SLC75A1: variants seen among roughly 807,000 people sequenced by gnomAD.
The protein encoded by SLC75A1 is major facilitator superfamily domain containing 10.
the SLC75A1 span, chr4:2,930,888 A>AGAAG: frequency 6.8e-6 from 11 of 1,613,064 alleles, no homozygotes; most frequent in Non-Finnish European, 9.3e-6. Context: ...TGCAGGAGGA[A>AGAAG]GAAGGGGAGC....
At chr4:2,930,846 C>T in the SLC75A1 span, 1 of 1,613,032 alleles carries the variant, frequency 6.2e-7, no homozygotes, top group Admixed American at 1.7e-5. Flanking sequence ...AGCTACTCAG[C>T]CTTGAGCGTC....
chr4:2,934,244 G>T, the SLC75A1 span: 2 of 333,626 alleles, frequency 6.0e-6, no homozygotes, highest in Non-Finnish European at 5.5e-6. Flanking sequence ...CCACGCCCTC[G>T]TAACAGCGAG....
chr4:2,931,029 C>T, the SLC75A1 span: 1 of 1,610,216 alleles, frequency 6.2e-7, no homozygotes, highest in Non-Finnish European at 8.5e-7. Context: ...GCTTGGCCCC[C>T]AGCCTGCCCC....
At chr4:2,932,148 G>A in the SLC75A1 span, 1 of 1,604,368 alleles carries the variant, frequency 6.2e-7, no homozygotes, top group African/African-American at 1.3e-5. Context: ...GGGCGATAGA[G>A]GGCGCCTGTG....
chr4:2,931,480 G>A, the SLC75A1 span: 74 of 1,581,082 alleles, frequency 4.7e-5, no homozygotes, highest in East Asian at 2.8e-4. Flanking sequence ...AGGTGGGCAC[G>A]GCAGCCTCAG....
chr4:2,933,483 G>A, the SLC75A1 span: 2 of 1,449,572 alleles, frequency 1.4e-6, no homozygotes, highest in Non-Finnish European at 9.7e-7. Flanking sequence ...CAAGGACCGA[G>A]AATTGGGGAG....
chr4:2,932,551 G>A, the SLC75A1 span: 2 of 1,612,716 alleles, frequency 1.2e-6, no homozygotes, highest in South Asian at 1.1e-5. Flanking sequence ...GGGAGACCCA[G>A]GCCCAGAAGT....
chr4:2,934,100 C>G, the SLC75A1 span: 2 of 668,806 alleles, frequency 3.0e-6, no homozygotes, highest in Middle Eastern at 4.2e-4. Context: ...CGCGATGCCC[C>G]CGCCCCGAAC....
chr4:2,933,556 G>A, the SLC75A1 span: 3 of 1,613,384 alleles, frequency 1.9e-6, no homozygotes, highest in African/African-American at 2.7e-5. Context: ...AGGGCACAGA[G>A]CCAGCCATAC....
the SLC75A1 span, chr4:2,933,057 G>C: frequency 1.9e-6 from 3 of 1,563,170 alleles, no homozygotes; most frequent in Admixed American, 1.7e-5. Flanking sequence ...GGGGCTACTG[G>C]CTGGGTGGGA....
the SLC75A1 span, chr4:2,934,283 A>T: frequency 6.4e-6 from 1 of 156,854 alleles, no homozygotes; most frequent in Non-Finnish European, 1.4e-5. Context: ...GGGAACCCGG[A>T]TCCCGATCCC....
At chr4:2,934,210 C>G in the SLC75A1 span, 6 of 431,418 alleles carry the variant, frequency 1.4e-5, no homozygotes, top group Non-Finnish European at 2.5e-5. Flanking sequence ...GACCTGGCCC[C>G]ACCCCACCCC....
chr4:2,930,932 T>A, the SLC75A1 span: 1 of 1,612,954 alleles, frequency 6.2e-7, no homozygotes, highest in South Asian at 1.1e-5. Context: ...GAAGCAGGCC[T>A]GGGCCCCGGC....
chr4:2,930,965 CGGT>C, the SLC75A1 span: 1 of 1,612,952 alleles, frequency 6.2e-7, no homozygotes, highest in African/African-American at 1.3e-5. Context: ...TGCGGAGAGA[CGGT>C]GGCGTCACCC....
the SLC75A1 span, chr4:2,930,581 G>A: frequency 3.6e-6 from 2 of 559,898 alleles, no homozygotes; most frequent in Non-Finnish European, 6.3e-6. Flanking sequence ...ACAAACAGGT[G>A]CTTTATTTCA....
At chr4:2,932,225 G>C in the SLC75A1 span, 1 of 1,551,488 alleles carries the variant, frequency 6.4e-7, no homozygotes, top group Non-Finnish European at 8.7e-7. Context: ...TGGCCTCAAG[G>C]GTCCCAACAC....
the SLC75A1 span, chr4:2,930,762 G>T: frequency 2.0e-6 from 3 of 1,487,878 alleles, no homozygotes; most frequent in South Asian, 1.3e-5. Flanking sequence ...CGGGGGGTGG[G>T]GGTCAGGCAG....
the SLC75A1 span, chr4:2,932,087 AG>A: frequency 1.2e-6 from 2 of 1,610,986 alleles, no homozygotes; most frequent in Non-Finnish European, 1.7e-6. Context: ...ACAGCCGAGA[AG>A]CGCAGCAGGG....
chr4:2,932,440 T>C, the SLC75A1 span: 3 of 1,613,484 alleles, frequency 1.9e-6, no homozygotes, highest in African/African-American at 1.3e-5. Context: ...CAGGGTGCCA[T>C]TTCCAGGGGC....
Sources: gnomAD v4.1 joint callset for allele counts on GRCh38, gnomAD v4.1.1 for gene constraint, MANE v1.5 for transcripts, NCBI Gene and HGNC (gene_info 2026-07-23, HGNC 2026-07-21) for gene names.